UTRN: variants seen among roughly 807,000 people sequenced by gnomAD.
The protein encoded by UTRN is utrophin.
Under a neutral mutation model 463.9 loss-of-function variants are expected in UTRN, and 283 were observed. The observed-to-expected ratio is 0.61, with a 90% confidence interval of 0.55 to 0.67. The LOEUF is 0.67. UTRN is among the 30% of genes least tolerant of loss of function. The pLI is 0.00. For missense variants in UTRN, 3,922 were observed against 4,084.3 expected (o/e 0.96, Z 1.08); for synonymous variants, 1,442 against 1,431.5 (o/e 1.01, Z -0.17).
At chr6:144,654,397 C>T (rs1261838038) in intron 51 of UTRN, among the ~76,000 whole-genome samples, 1 of 152,158 alleles carries the variant, frequency 6.6e-6, no homozygotes, top group African/African-American at 2.4e-5. Flanking sequence ...ATGTTCAGTT[C>T]CTTAAATATG....
intron 48 of UTRN, among the ~76,000 whole-genome samples, chr6:144,551,752 C>CACT (rs935023019): frequency 4.6e-5 from 7 of 152,172 alleles, no homozygotes; most frequent in African/African-American, 1.7e-4. Context: ...AATCTGCTGC[C>CACT]ACTACCCCTT....
At chr6:144,710,267 T>C (rs1046178368) in intron 53 of UTRN, among the ~76,000 whole-genome samples, 1 of 152,188 alleles carries the variant, frequency 6.6e-6, no homozygotes, top group African/African-American at 2.4e-5. Flanking sequence ...AACATGGCAT[T>C]GTGGGCTCCA....
At chr6:144,811,108 C>T (rs1411645046) in intron 65 of UTRN, among the ~76,000 whole-genome samples, 2 of 151,678 alleles carry the variant, frequency 1.3e-5, no homozygotes, top group African/African-American at 4.8e-5. Context: ...ATAAATTGTG[C>T]CTTTTTTTTA....
chr6:144,845,824 C>A (rs538191498), intron 73 of UTRN, among the ~76,000 whole-genome samples: 2 of 152,204 alleles, frequency 1.3e-5, no homozygotes, highest in South Asian at 4.2e-4. Flanking sequence ...AAATACCGGG[C>A]CTCACACTTT....
chr6:144,473,427 T>C (rs535414448), intron 23 of UTRN, among the ~76,000 whole-genome samples: 3 of 152,350 alleles, frequency 2.0e-5, no homozygotes, highest in African/African-American at 4.8e-5. Context: ...AATGCATTTT[T>C]TCCCTGTAAT....
intron 2 of UTRN, among the ~76,000 whole-genome samples, chr6:144,368,411 A>AT (rs1228582438): frequency 6.6e-6 from 1 of 152,200 alleles, no homozygotes; most frequent in African/African-American, 2.4e-5. Flanking sequence ...TAATTTGTTA[A>AT]TTTTTATATG....
intron 13 of UTRN, among the ~76,000 whole-genome samples, chr6:144,443,894 T>C (rs1307133301): frequency 6.6e-6 from 1 of 152,094 alleles, no homozygotes; most frequent in Non-Finnish European, 1.5e-5. Flanking sequence ...GACATGCTGG[T>C]TTTTTTAGCT....
chr6:144,491,991 CT>C (rs1793117996), intron 32 of UTRN, among the ~76,000 whole-genome samples: 1 of 151,974 alleles, frequency 6.6e-6, no homozygotes, highest in South Asian at 2.1e-4. Flanking sequence ...ACTACGATTT[CT>C]TTTTTTATAT....
intron 1 of UTRN, among the ~76,000 whole-genome samples, chr6:144,288,016 T>A (rs1289856886): frequency 6.6e-6 from 1 of 152,262 alleles, no homozygotes; most frequent in East Asian, 1.9e-4. Flanking sequence ...GGTGAAACTT[T>A]GATTCTGTCT....
chr6:144,335,599 T>C (rs1030316830), intron 2 of UTRN, among the ~76,000 whole-genome samples: 1 of 152,206 alleles, frequency 6.6e-6, no homozygotes, highest in African/African-American at 2.4e-5. Context: ...ACCGGCTCTT[T>C]CACTGCTGTA....
intron 65 of UTRN, among the ~76,000 whole-genome samples, chr6:144,806,242 A>G (rs1253848092): frequency 6.6e-6 from 1 of 152,136 alleles, no homozygotes; most frequent in African/African-American, 2.4e-5. Context: ...CCACTCTCCA[A>G]CTACCAATTT....
intron 51 of UTRN, among the ~76,000 whole-genome samples, chr6:144,602,665 A>G (rs776019684): frequency 2.0e-5 from 3 of 152,194 alleles, no homozygotes; most frequent in Non-Finnish European, 4.4e-5. Context: ...AATTCTCAGT[A>G]TCGCCTCCTC....
intron 3 of UTRN, among the ~76,000 whole-genome samples, chr6:144,405,986 G>T (rs1212946416): frequency 1.3e-5 from 2 of 152,182 alleles, no homozygotes; most frequent in African/African-American, 4.8e-5. Context: ...GTAAGTTGTG[G>T]AAAATAGGTA....
chr6:144,366,095 A>G lies in UTRN; in HGVS notation c.80-37028A>G, dbSNP rs12660513. On this transcript the variant is annotated intron_variant, in intron 2 of 74. Transcript: ENST00000367545. ...TGGCAGCTGATAGAGATGTATGTGC[A>G]TCGCATTCTATTTCTGACACAATAA... Among the ~76,000 whole-genome samples, 979 of 152,344 alleles carry G rather than the reference A, an allele frequency of 6.4e-3. 38 individuals carry two copies. The East Asian group carries it at 0.11, about 17-fold the overall frequency.
At chr6:144,759,863 T>C (rs1387699805) in intron 58 of UTRN, among the ~76,000 whole-genome samples, 1 of 152,048 alleles carries the variant, frequency 6.6e-6, no homozygotes, top group Non-Finnish European at 1.5e-5. Flanking sequence ...GTAACAGCAA[T>C]AGAAAATTAA....
intron 51 of UTRN, among the ~76,000 whole-genome samples, chr6:144,656,616 A>T (rs561302835): frequency 6.6e-6 from 1 of 152,288 alleles, no homozygotes; most frequent in Admixed American, 6.5e-5. Context: ...TCAAACACAA[A>T]TTCATGATGA....
At chr6:144,444,444 T>G (rs1787470644) in intron 14 of UTRN, 62 bp downstream of exon 14, 2 of 1,312,350 alleles carry the variant, frequency 1.5e-6, no homozygotes, top group African/African-American at 3.0e-5. Context: ...TCTTTTATTG[T>G]GACTTTAGAA....
At chr6:144,414,777 G>A (rs543442755) in intron 3 of UTRN, among the ~76,000 whole-genome samples, 19 of 150,756 alleles carry the variant, frequency 1.3e-4, no homozygotes, top group African/African-American at 2.7e-4. Context: ...GTGCAGTGGC[G>A]CAGTCTTGGT....
intron 14 of UTRN, 28 bp from the exon 15 acceptor site, chr6:144,447,183 A>G (rs1562412864): frequency 6.3e-6 from 10 of 1,590,502 alleles, no homozygotes; most frequent in Non-Finnish European, 8.6e-6. Context: ...TTTTGCAGAT[A>G]AAGTTCAACT....
Sources: allele counts gnomAD v4.1 joint callset (sites outside exome capture counted in the v4.1 genomes callset), GRCh38; gene constraint gnomAD v4.1.1; transcripts MANE v1.5; gene names NCBI Gene and HGNC (gene_info 2026-07-23, HGNC 2026-07-21).